CNTN4: variants seen among roughly 807,000 people sequenced by gnomAD.
CNTN4 encodes the protein contactin-4.
A neutral mutation model predicts 122.5 loss-of-function variants in CNTN4; 77 were observed. The observed-to-expected ratio is 0.63, with a 90% CI of 0.52 to 0.76. The LOEUF is 0.76. CNTN4 is among the 30% of genes least tolerant of loss of function. The pLI is 0.00. For synonymous variants in CNTN4, 512 were observed against 447.0 expected, an observed-to-expected ratio of 1.15 and a Z score of -1.83; for missense variants, 1,256 against 1,259.1, an observed-to-expected ratio of 1.00 and a Z score of 0.04.
chr3:2,173,397 A>C (rs576208419), intron 2 of CNTN4, among the ~76,000 whole-genome samples: 1 of 152,350 alleles, frequency 6.6e-6, no homozygotes, highest in African/African-American at 2.4e-5. Flanking sequence ...TTTTCATCCC[A>C]TAATGTAATT....
chr3:2,179,175 G>C (rs917419360), intron 2 of CNTN4, among the ~76,000 whole-genome samples: 6 of 152,028 alleles, frequency 3.9e-5, no homozygotes, highest in Admixed American at 1.3e-4. Flanking sequence ...TGGTAATTAT[G>C]TTGAGAGTAA....
At chr3:2,717,672 C>T (rs1470362679) in intron 4 of CNTN4, among the ~76,000 whole-genome samples, 3 of 152,126 alleles carry the variant, frequency 2.0e-5, no homozygotes, top group Non-Finnish European at 4.4e-5. Flanking sequence ...AAGTATATAC[C>T]TAGGGATGAA....
chr3:2,399,119 G>GA (rs1431718652), intron 3 of CNTN4, among the ~76,000 whole-genome samples: 1 of 151,920 alleles, frequency 6.6e-6, no homozygotes, highest in Non-Finnish European at 1.5e-5. Flanking sequence ...AAAGAAAAGA[G>GA]AAAAAAATAA....
At chr3:2,251,836 A>G (rs569796239) in intron 2 of CNTN4, among the ~76,000 whole-genome samples, 2 of 152,034 alleles carry the variant, frequency 1.3e-5, no homozygotes, top group African/African-American at 2.4e-5. Context: ...TTGAAGCCAC[A>G]TCATGAAACA....
At chr3:2,316,281 G>C (rs1336088132) in intron 2 of CNTN4, among the ~76,000 whole-genome samples, 1 of 151,926 alleles carries the variant, frequency 6.6e-6, no homozygotes, top group Non-Finnish European at 1.5e-5. Flanking sequence ...TAATTCATCT[G>C]TCTGACAATA....
intron 4 of CNTN4, among the ~76,000 whole-genome samples, chr3:2,735,459 G>T (rs2089014434): frequency 6.6e-6 from 1 of 152,182 alleles, no homozygotes; most frequent in South Asian, 2.1e-4. Flanking sequence ...TTGAGAGAAA[G>T]CACTTAGAAA....
chr3:2,673,746 G>A (rs1468839369), intron 4 of CNTN4, among the ~76,000 whole-genome samples: 1 of 152,124 alleles, frequency 6.6e-6, no homozygotes, highest in Admixed American at 6.6e-5. Context: ...GTTTCACCAT[G>A]TTAGCCAGGA....
chr3:3,052,838 A>C (rs955700865), intron 23 of CNTN4, among the ~76,000 whole-genome samples: 6 of 151,898 alleles, frequency 4.0e-5, no homozygotes, highest in Admixed American at 1.3e-4. Flanking sequence ...GGAGGTTACT[A>C]CTCTTGCCTT....
chr3:2,640,305 A>G (rs1189623599), intron 4 of CNTN4, among the ~76,000 whole-genome samples: 1 of 152,200 alleles, frequency 6.6e-6, no homozygotes, highest in East Asian at 1.9e-4. Context: ...ACTGTACTCT[A>G]ACACTGTAGC....
At chr3:2,762,753 C>G (rs1299063547) in intron 6 of CNTN4, among the ~76,000 whole-genome samples, 1 of 152,156 alleles carries the variant, frequency 6.6e-6, no homozygotes, top group Non-Finnish European at 1.5e-5. Context: ...GATCGCCACA[C>G]TGTCTTCCAC....
intron 6 of CNTN4, among the ~76,000 whole-genome samples, chr3:2,810,355 TAAG>T (rs1056988005): frequency 3.3e-5 from 5 of 152,222 alleles, no homozygotes; most frequent in African/African-American, 1.2e-4. Context: ...TTGCCAAAGT[TAAG>T]AAGCCTTCTT....
At chr3:2,708,383 A>G (rs1363646585) in intron 4 of CNTN4, among the ~76,000 whole-genome samples, 1 of 152,186 alleles carries the variant, frequency 6.6e-6, no homozygotes, top group Non-Finnish European at 1.5e-5. Flanking sequence ...GGACCACAAG[A>G]AATGATTATA....
At chr3:2,157,361 C>T (rs1383322975) in intron 2 of CNTN4, among the ~76,000 whole-genome samples, 2 of 152,032 alleles carry the variant, frequency 1.3e-5, no homozygotes, top group Admixed American at 6.6e-5. Flanking sequence ...TGGGGAAGTC[C>T]AGTGTACATG....
chr3:2,602,658 T>C (rs553293882), intron 4 of CNTN4, among the ~76,000 whole-genome samples: 3 of 152,232 alleles, frequency 2.0e-5, no homozygotes, highest in African/African-American at 7.2e-5. Context: ...AAAATGGCCA[T>C]ACTGTCCAAG....
chr3:2,312,077 GT>G (rs930017368), intron 2 of CNTN4, among the ~76,000 whole-genome samples: 3 of 151,916 alleles, frequency 2.0e-5, no homozygotes, highest in Non-Finnish European at 4.4e-5. Flanking sequence ...ACTTTGGGAG[GT>G]TAAGGCGGCA....
intron 13 of CNTN4, 119 bp downstream of exon 13, chr3:2,925,898 A>G: frequency 2.4e-6 from 2 of 838,642 alleles, no homozygotes; most frequent in Non-Finnish European, 3.8e-6. Flanking sequence ...AAGTGTTAAA[A>G]AAAGAACAGA....
chr3:2,577,190 C>G (rs1386938977), intron 4 of CNTN4, among the ~76,000 whole-genome samples: 3 of 152,272 alleles, frequency 2.0e-5, no homozygotes, highest in African/African-American at 7.2e-5. Context: ...GCTTGGAAGT[C>G]CTGCTCTTAG....
In CNTN4 at chr3:2,589,236, G is replaced by A. The variant is rs142448381; in HGVS notation, c.55+17678G>A. 1.3e-3 allele frequency among the ~76,000 whole-genome samples: 205 copies of A among 152,272 alleles called. 1 individual carries two copies. Among genetic ancestry groups the A allele is most frequent in the African/African-American group, 4.8e-3 (201 of 41,546 alleles). ...AGAGTGCTGAGTAGTTGCGGCATTAGTAGTAGGAGATTTGACACAGAAACC... is the reference window on the plus strand; with the variant it reads ...AGAGTGCTGAGTAGTTGCGGCATTAATAGTAGGAGATTTGACACAGAAACC... On this transcript the variant is annotated intron_variant, in intron 4 of 24. Transcript: ENST00000418658.
rs554772767 is a variant in CNTN4 at position 2,746,977 on chromosome 3, T to C, written c.358+1280T>C. Among the ~76,000 whole-genome samples the C allele has an allele frequency of 7.2e-5, 11 of 152,054 alleles. No individual in the cohort carries two copies. In the East Asian group the frequency reaches 1.9e-3, roughly 27 times the overall value. Reference sequence around the variant, plus strand: ...ATCTTGCTAAATTAATTTTTGGAAATAACCATAGGATCATGTACTCTCAGA... The same window carrying C: ...ATCTTGCTAAATTAATTTTTGGAAACAACCATAGGATCATGTACTCTCAGA... On this transcript the variant is annotated intron_variant, in intron 6 of 24. Coordinates refer to ENST00000418658, the MANE Select transcript of CNTN4 (RefSeq NM_175607.3).
Sources: gnomAD v4.1 joint callset for allele counts (sites outside exome capture counted in the v4.1 genomes callset) on GRCh38, gnomAD v4.1.1 for gene constraint, MANE v1.5 for transcripts, NCBI Gene and HGNC (gene_info 2026-07-23, HGNC 2026-07-21) for gene names.